The following CACNA2D1 variants were observed in gnomAD, a reference collection of about 807,000 sequenced individuals.
The protein encoded by CACNA2D1 is calcium voltage-gated channel auxiliary subunit alpha2delta 1.
A neutral mutation model predicts 171.5 loss-of-function variants in CACNA2D1; 53 were observed. The observed-to-expected ratio is 0.31, with a 90% CI of 0.25 to 0.39. CACNA2D1 has a LOEUF of 0.39. Among genes scored for constraint, CACNA2D1 ranks in the 10% least tolerant of loss-of-function variants. The pLI, the probability that CACNA2D1 is intolerant of heterozygous loss-of-function variation, is 1.00. For missense variants in CACNA2D1, 903 were observed against 1,299.8 expected (o/e 0.69, Z 4.69); for synonymous variants, 442 against 443.1 (o/e 1.00, Z 0.03).
intron 1 of CACNA2D1, among the ~76,000 whole-genome samples, chr7:82,440,269 T>G (rs954273204): frequency 1.3e-5 from 2 of 151,906 alleles, no homozygotes; most frequent in Non-Finnish European, 3.0e-5. Context: ...GTTATAACTA[T>G]ATATTTTTTA....
chr7:82,167,736 A>T (rs1285239439), intron 4 of CACNA2D1, among the ~76,000 whole-genome samples: 1 of 151,878 alleles, frequency 6.6e-6, no homozygotes, highest in Non-Finnish European at 1.5e-5. Flanking sequence ...AGTTGACAGG[A>T]CTCTAAGTGG....
chr7:82,274,650 G>C (rs779643608), intron 3 of CACNA2D1, among the ~76,000 whole-genome samples: 1 of 152,074 alleles, frequency 6.6e-6, no homozygotes, highest in Non-Finnish European at 1.5e-5. Context: ...GTGCAAAAAG[G>C]GGAAAGCAAT....
At chr7:82,072,879 G>T (rs1488118960) in intron 7 of CACNA2D1, among the ~76,000 whole-genome samples, 1 of 152,028 alleles carries the variant, frequency 6.6e-6, no homozygotes, top group African/African-American at 2.4e-5. Context: ...TAGAACCATA[G>T]TTGGCACAAA....
intron 24 of CACNA2D1, among the ~76,000 whole-genome samples, chr7:81,975,804 A>ATTTACATAGTAG (rs1795780854): frequency 6.6e-6 from 1 of 151,626 alleles, no homozygotes; most frequent in African/African-American, 2.4e-5. Flanking sequence ...GGAATGAATC[A>ATTTACATAGTAG]TGTATACAAC....
chr7:82,092,445 C>T (rs1458666149), intron 6 of CACNA2D1, among the ~76,000 whole-genome samples: 3 of 151,708 alleles, frequency 2.0e-5, no homozygotes, highest in African/African-American at 7.3e-5. Flanking sequence ...AATCTAGGCT[C>T]ACTGCCAAGC....
Position 82,370,216 on chromosome 7 carries a change from T to C in CACNA2D1, c.96-20567A>G, listed in dbSNP as rs191159860. 2.6e-5 allele frequency among the ~76,000 whole-genome samples: 4 copies of C among 152,148 alleles called. No individual in the cohort carries two copies. The East Asian group carries it at 7.7e-4, about 29-fold the overall frequency. On this transcript the variant is annotated intron_variant, in intron 1 of 38. Coordinates refer to ENST00000356860, the MANE Select transcript of CACNA2D1 (RefSeq NM_000722.4). ...CTAGGACAAGAAAATAAATACAAGG[T>C]AAAAGCTTTGGGAAAGAAAAGAACA...
intron 1 of CACNA2D1, among the ~76,000 whole-genome samples, chr7:82,424,246 C>T (rs1195595859): frequency 6.6e-6 from 1 of 152,128 alleles, no homozygotes; most frequent in East Asian, 1.9e-4. Flanking sequence ...AGGACATGCA[C>T]AGGCTGAGCA....
At chr7:82,241,218 T>C (rs945117015) in intron 3 of CACNA2D1, among the ~76,000 whole-genome samples, 7 of 152,188 alleles carry the variant, frequency 4.6e-5, no homozygotes, top group African/African-American at 1.7e-4. Context: ...TGATTACGAA[T>C]CAGACACCTT....
chr7:81,983,427 T>G, intron 22 of CACNA2D1, 93 bp from the exon 23 acceptor site: 1 of 923,780 alleles, frequency 1.1e-6, no homozygotes, highest in Non-Finnish European at 1.7e-6. Flanking sequence ...TTCAATGACT[T>G]TCTTGAATAA....
chr7:82,011,075 G>A (rs986006286), intron 15 of CACNA2D1, among the ~76,000 whole-genome samples: 15 of 151,946 alleles, frequency 9.9e-5, no homozygotes, highest in African/African-American at 3.4e-4. Context: ...TTCAACTTTG[G>A]CCCTATTGAC....
intron 7 of CACNA2D1, among the ~76,000 whole-genome samples, chr7:82,075,893 T>C (rs1808905568): frequency 6.6e-6 from 1 of 152,132 alleles, no homozygotes; most frequent in African/African-American, 2.4e-5. Context: ...AAGAAACAGA[T>C]TGAGAGATAT....
At chr7:82,041,710 T>C (rs1024736155) in intron 10 of CACNA2D1, among the ~76,000 whole-genome samples, 9 of 152,212 alleles carry the variant, frequency 5.9e-5, no homozygotes, top group Non-Finnish European at 5.9e-5. Flanking sequence ...ATCACTCTTC[T>C]ATTCTTTGGT....
intron 10 of CACNA2D1, among the ~76,000 whole-genome samples, chr7:82,041,404 G>T (rs1025245438): frequency 6.6e-6 from 1 of 152,094 alleles, no homozygotes; most frequent in African/African-American, 2.4e-5. Context: ...GAGCCAGGTG[G>T]TATGTGGATT....
intron 3 of CACNA2D1, among the ~76,000 whole-genome samples, chr7:82,232,756 C>A (rs747337659): frequency 6.8e-6 from 1 of 146,834 alleles, no homozygotes; most frequent in African/African-American, 2.5e-5. Flanking sequence ...CCCATCTACT[C>A]GGGAGGCTGA....
intron 6 of CACNA2D1, among the ~76,000 whole-genome samples, chr7:82,111,299 T>C (rs1364786165): frequency 2.5e-5 from 2 of 80,948 alleles, no homozygotes; most frequent in African/African-American, 9.1e-5. Flanking sequence ...TGGGTATATA[T>C]ATATATATAT....
intron 3 of CACNA2D1, among the ~76,000 whole-genome samples, chr7:82,247,531 A>G (rs1463677255): frequency 3.3e-5 from 5 of 152,040 alleles, no homozygotes; most frequent in Non-Finnish European, 5.9e-5. Flanking sequence ...AGGAAAGAAA[A>G]TCAAAAGGCC....
At chr7:82,140,953 C>CTAAAAA (rs1792299153) in intron 4 of CACNA2D1, among the ~76,000 whole-genome samples, 1 of 52,958 alleles carries the variant, frequency 1.9e-5, no homozygotes, top group East Asian at 4.6e-4. Flanking sequence ...AGACTCGTCT[C>CTAAAAA]TAAAAAAAAA....
intron 1 of CACNA2D1, among the ~76,000 whole-genome samples, chr7:82,351,807 C>T (rs1245618049): frequency 6.6e-6 from 1 of 151,976 alleles, no homozygotes; most frequent in Non-Finnish European, 1.5e-5. Flanking sequence ...ACCATTGATC[C>T]AGTAATTTCC....
intron 4 of CACNA2D1, among the ~76,000 whole-genome samples, chr7:82,160,366 ATAAAG>A (rs1272184494): frequency 6.6e-6 from 1 of 151,904 alleles, no homozygotes; most frequent in African/African-American, 2.4e-5. Flanking sequence ...TAAAAAAGAA[ATAAAG>A]TAATGAAGGG....
Sources: gnomAD v4.1 joint callset for allele counts (sites outside exome capture counted in the v4.1 genomes callset) on GRCh38, gnomAD v4.1.1 for gene constraint, MANE v1.5 for transcripts, NCBI Gene and HGNC (gene_info 2026-07-23, HGNC 2026-07-21) for gene names.